OR51E2: variants seen among roughly 807,000 people sequenced by gnomAD.
OR51E2 encodes the protein olfactory receptor family 51 subfamily E member 2, also known as olfactory receptor 51E2.
OR51E2 carries 14 observed loss-of-function variants against 13.7 expected under a neutral mutation model. The ratio of observed to expected loss-of-function variants is 1.02; its 90% CI spans 0.68 to 1.60. OR51E2 has a LOEUF of 1.60. Among genes scored for constraint, OR51E2 ranks in the 40% most tolerant of loss-of-function variants. The pLI is 0.00. For missense variants in OR51E2, 483 were observed against 413.8 expected (o/e 1.17, Z -1.45); for synonymous variants, 180 against 157.6 (o/e 1.14, Z -1.07).
At chr11:4,685,027 C>G (rs2412394) in intron 1 of OR51E2, 137,176 of 152,266 alleles carry the variant, frequency 0.9, 62,457 homozygotes, top group South Asian at 0.98. Flanking sequence ...AGGAGCTAAG[C>G]CTGCCTGACC....
At chr11:4,686,201 G>C (rs186733607) in intron 1 of OR51E2, among the ~76,000 whole-genome samples, 86 of 152,318 alleles carry the variant, frequency 5.6e-4, no homozygotes, top group African/African-American at 1.8e-3. Flanking sequence ...ACCTGAAATG[G>C]TATGAAAGAG....
At position 4,693,926 on chromosome 11, in the gene OR51E2, A is replaced by G. The variant is rs566397254; in HGVS notation, c.-51+3727T>C. Among the ~76,000 whole-genome samples the G allele has an allele frequency of 1.8e-4, 28 of 152,330 alleles. No homozygotes were observed. In the South Asian group the frequency reaches 2.5e-3, roughly 14 times the overall value. The stretch of plus-strand genomic sequence containing the variant: ...GCAGAAAGAGCAGAACCGTTTTTCA[A>G]TAATTTCAATATCTCATATACAGCG... On this transcript the variant is annotated intron_variant, in intron 1 of 1. Transcript: ENST00000396950.
chr11:4,695,249 A>G (rs1020533926), intron 1 of OR51E2, among the ~76,000 whole-genome samples: 2 of 152,000 alleles, frequency 1.3e-5, no homozygotes, highest in South Asian at 2.1e-4. Context: ...TAAATAAATC[A>G]TTTTCCATCT....
At position 4,681,856 on chromosome 11, in the gene OR51E2, T is replaced by C; in HGVS notation, c.856A>G (p.Ile286Val). ...TTGGCACCATAGATGATGGGATTGA[T>C]GACAGGAGGCAGCAGCAGGTAGATG... ...GDIYLLLPPV[I>V]NPIIYGAKTK... The change falls in exon 2 of 2, where the codon ATC (isoleucine) becomes GTC (valine). Residue 286 changes from isoleucine to valine, a missense_variant. Ile to Val is a conservative substitution (Grantham distance 29). Transcript: ENST00000396950. The C allele has an allele frequency of 1.9e-6, 3 of 1,614,154 alleles. No individual in the cohort carries two copies. The highest frequency in any genetic ancestry group is 1.7e-6 in the Non-Finnish European group (2 of 1,180,018).
chr11:4,684,623 A>G (rs1350374972), intron 1 of OR51E2, among the ~76,000 whole-genome samples: 1 of 152,286 alleles, frequency 6.6e-6, no homozygotes, highest in South Asian at 2.1e-4. Flanking sequence ...GACAGATAAC[A>G]AGAGTCTTTA....
chr11:4,687,358 C>A (rs909400937), intron 1 of OR51E2, among the ~76,000 whole-genome samples: 6 of 152,102 alleles, frequency 3.9e-5, no homozygotes, highest in African/African-American at 1.4e-4. Context: ...TACATTCATT[C>A]ACTAGACAAA....
chr11:4,682,466 G>A lies in OR51E2; in HGVS notation c.246C>T (p.Ala82=), dbSNP rs1433299054. ...TCTCTCGGGAATCAAACCAGAAAAGGGCAAGGATCTTAGGCATGGTGGATG... is the reference window on the plus strand; with the variant it reads ...TCTCTCGGGAATCAAACCAGAAAAGAGCAAGGATCTTAGGCATGGTGGATG... The part of the protein sequence containing the change: ...LSTSTMPKIL[A]LFWFDSREIS... The change falls in exon 2 of 2, where the codon GCC becomes GCT. Residue 82 remains alanine, a synonymous_variant. Transcript: ENST00000396950. 6.2e-7 allele frequency: 1 copy of A among 1,614,196 alleles called. No individual in the cohort carries two copies. Among genetic ancestry groups the A allele is most frequent in the Non-Finnish European group, 8.5e-7 (1 of 1,180,036 alleles).
chr11:4,688,483 T>C (rs1847539799), intron 1 of OR51E2, among the ~76,000 whole-genome samples: 1 of 152,118 alleles, frequency 6.6e-6, no homozygotes, highest in South Asian at 2.1e-4. Flanking sequence ...TAGAAGATGA[T>C]ATTGGGCTGA....
At chr11:4,692,066 T>C (rs1386775425) in intron 1 of OR51E2, 1 of 384,946 alleles carries the variant, frequency 2.6e-6, no homozygotes, top group African/African-American at 2.1e-5. Context: ...TATGGCATGT[T>C]TAAATTGTGC....
chr11:4,690,937 G>C (rs1847570386), intron 1 of OR51E2: 1 of 455,268 alleles, frequency 2.2e-6, no homozygotes, highest in South Asian at 1.6e-5. Context: ...CTGATCAATG[G>C]AATGTAATAT....
chr11:4,693,225 A>C (rs1389325662), intron 1 of OR51E2, among the ~76,000 whole-genome samples: 1 of 152,220 alleles, frequency 6.6e-6, no homozygotes, highest in African/African-American at 2.4e-5. Flanking sequence ...ACAAATATAT[A>C]CCATATTATT....
At chr11:4,690,933 A>C (rs1847570298) in intron 1 of OR51E2, 4 of 455,338 alleles carry the variant, frequency 8.8e-6, no homozygotes, top group Non-Finnish European at 1.8e-5. Flanking sequence ...CAGACTGATC[A>C]ATGGAATGTA....
At position 4,681,073 on chromosome 11, in the gene OR51E2, C is replaced by G. The variant is rs145844401; in HGVS notation, c.*676G>C. The G allele has an allele frequency of 1.3e-5, 2 of 153,872 alleles. No individual in the cohort carries two copies. The highest frequency in any genetic ancestry group is 4.8e-5 in the African/African-American group (2 of 41,410). 9.5% of individuals were successfully genotyped at this position (153,872 alleles called of 1,614,324 possible). On this transcript the variant is annotated 3_prime_UTR_variant, in exon 2 of 2. Coordinates refer to ENST00000396950, the MANE Select transcript of OR51E2 (RefSeq NM_030774.4). ...CCTATTTAAAAAGTTGTACACAGGC[C>G]GGGCACAGTGGTTCACACCTGTAAT...
At chr11:4,691,531 G>A (rs1252785556) in intron 1 of OR51E2, 4 of 456,896 alleles carry the variant, frequency 8.8e-6, no homozygotes, top group African/African-American at 6.0e-5. Flanking sequence ...ATTGGTTCGT[G>A]GAGGCTGGGC....
chr11:4,695,147 A>G (rs1445509398), intron 1 of OR51E2, among the ~76,000 whole-genome samples: 1 of 152,162 alleles, frequency 6.6e-6, no homozygotes, highest in Non-Finnish European at 1.5e-5. Flanking sequence ...AGTGTAATGA[A>G]CTTAAATTTT....
chr11:4,694,261 G>A (rs1847624649), intron 1 of OR51E2, among the ~76,000 whole-genome samples: 1 of 151,306 alleles, frequency 6.6e-6, no homozygotes, highest in African/African-American at 2.4e-5. Context: ...AAACCATAGT[G>A]TATATATTTT....
intron 1 of OR51E2, 101 bp from the exon 2 acceptor site, chr11:4,682,862 G>C (rs1282942017): frequency 1.4e-6 from 1 of 734,586 alleles, no homozygotes; most frequent in Middle Eastern, 3.9e-4. Context: ...TCTTTCATAA[G>C]CTCTGAGGCC....
At chr11:4,691,126 C>T (rs1403274021) in intron 1 of OR51E2, 1 of 456,504 alleles carries the variant, frequency 2.2e-6, no homozygotes, top group Non-Finnish European at 4.4e-6. Context: ...ATTCTGGTGT[C>T]TGTGCATGAG....
rs191397180 is a variant in OR51E2, at chr11:4,686,218, A to C, written c.-50-3457T>G. On this transcript the variant is annotated intron_variant, in intron 1 of 1. Transcript: ENST00000396950. Reference sequence around the variant, plus strand: ...CTGAAATGGTATGAAAGAGCAGTGAATGCCACAGATTTTTATAGGAACTTG... The same window carrying C: ...CTGAAATGGTATGAAAGAGCAGTGACTGCCACAGATTTTTATAGGAACTTG... 2.5e-3 allele frequency among the ~76,000 whole-genome samples: 377 copies of C among 152,354 alleles called. 3 individuals carry two copies. Among genetic ancestry groups the C allele is most frequent in the African/African-American group, 8.5e-3 (353 of 41,584 alleles).
Sources: allele counts gnomAD v4.1 joint callset (sites outside exome capture counted in the v4.1 genomes callset), GRCh38; gene constraint gnomAD v4.1.1; transcripts MANE v1.5; gene names NCBI Gene and HGNC (gene_info 2026-07-23, HGNC 2026-07-21).